Variants in ZNF124 observed in about 807,000 individuals in gnomAD.
ZNF124 encodes the protein zinc finger protein HZF-16.
Under a neutral mutation model 26.6 loss-of-function variants are expected in ZNF124, and 25 were observed. The ratio of observed to expected loss-of-function variants is 0.94; its 90% CI spans 0.68 to 1.31. The LOEUF (loss-of-function observed/expected upper bound fraction) is 1.31, where lower values mean the gene tolerates loss of function less well. ZNF124 is among the 40% of genes most tolerant of loss of function. ZNF124 has a pLI of 0.00. For missense variants in ZNF124, 444 were observed against 422.2 expected (o/e 1.05, Z -0.45); for synonymous variants, 129 against 133.3 (o/e 0.97, Z 0.22).
downstream of ZNF124, among the ~76,000 whole-genome samples, chr1:247,151,289 C>A (rs1672930673): frequency 6.6e-6 from 1 of 152,024 alleles, no homozygotes; most frequent in Non-Finnish European, 1.5e-5. Flanking sequence ...ACCATCCTGG[C>A]CAACATGGTG....
At chr1:247,140,209 CTG>C (rs1672590891) in intron 3 of ZNF124, among the ~76,000 whole-genome samples, 1 of 152,112 alleles carries the variant, frequency 6.6e-6, no homozygotes, top group Admixed American at 6.6e-5. Flanking sequence ...ATTTTTCTGA[CTG>C]TCTTATTTCA....
rs149926598 is a variant in ZNF124, at chr1:247,139,486, G to T, written c.219-15615C>A. ...GTGCGCCTTTTAAGCAGGGCATTTA[G>T]CCTGTTTACATTCAAGATTAGTATT... On this transcript the variant is annotated intron_variant, in intron 3 of 3. Coordinates refer to the ZNF124 transcript ENST00000472531. Among the ~76,000 whole-genome samples, 156 of 152,284 alleles carry T rather than the reference G, an allele frequency of 1.0e-3. 1 individual carries two copies. The East Asian group carries it at 0.027, about 27-fold the overall frequency.
intron 3 of ZNF124, among the ~76,000 whole-genome samples, chr1:247,125,683 C>CTCCCAAAGTTCTGG (rs371422658): frequency 6.6e-6 from 1 of 150,920 alleles, no homozygotes. Context: ...GCGCCGGCGC[C>CTCCCAAAGTTCTGG]GATTAAAGGC....
chr1:247,150,154 ATGATAC>A (rs1305407879), downstream of ZNF124, among the ~76,000 whole-genome samples: 3 of 152,238 alleles, frequency 2.0e-5, no homozygotes, highest in African/African-American at 7.2e-5. Context: ...GTCACGGCAG[ATGATAC>A]TGATTTTGTA....
intron 3 of ZNF124, among the ~76,000 whole-genome samples, chr1:247,158,019 G>A (rs973982301): frequency 6.6e-5 from 10 of 151,962 alleles, no homozygotes; most frequent in African/African-American, 2.4e-4. Context: ...GGAGGCCAAG[G>A]TGGGCAGATC....
intron 3 of ZNF124, among the ~76,000 whole-genome samples, chr1:247,139,287 T>C (rs1672566049): frequency 6.6e-6 from 1 of 152,234 alleles, no homozygotes; most frequent in Non-Finnish European, 1.5e-5. Context: ...TTGTTTTAAA[T>C]CTTTATTGGT....
Position 247,124,958 on chromosome 1 carries a change from C to T in ZNF124, c.219-1087G>A, listed in dbSNP as rs563063113. Among the ~76,000 whole-genome samples the T allele has an allele frequency of 4.6e-5, 7 of 152,142 alleles. No homozygotes were observed. In the South Asian group the frequency reaches 8.3e-4, roughly 18 times the overall value. On this transcript the variant is annotated intron_variant, in intron 3 of 3. Transcript: ENST00000472531. ...GACTACAGGCACACACCGCCATGCC[C>T]GGCTATTTTTTTATTTTTTTGCATT...
Position 247,137,302 on chromosome 1 carries a change from G to T in ZNF124, c.219-13431C>A, listed in dbSNP as rs1037640394. Among the ~76,000 whole-genome samples, 5 of 150,646 alleles carry T rather than the reference G, an allele frequency of 3.3e-5. No homozygotes were observed. In the Admixed American group the frequency reaches 3.3e-4, roughly 10 times the overall value. ...CCTTATACCAAAATTAACTCAAGATGGGTTGAAGATTTAAATGTAAAATCC... is the reference window on the plus strand; with the variant it reads ...CCTTATACCAAAATTAACTCAAGATTGGTTGAAGATTTAAATGTAAAATCC... On this transcript the variant is annotated intron_variant, in intron 3 of 3. Coordinates refer to the ZNF124 transcript ENST00000472531.
intron 3 of ZNF124, among the ~76,000 whole-genome samples, chr1:247,149,287 G>A (rs939983279): frequency 1.3e-5 from 2 of 152,288 alleles, no homozygotes; most frequent in African/African-American, 4.8e-5. Flanking sequence ...AAACCGTAAG[G>A]TGGCTCATCA....
intron 1 of ZNF124, among the ~76,000 whole-genome samples, chr1:247,161,630 AAATG>A (rs1283667732): frequency 6.6e-6 from 1 of 152,084 alleles, no homozygotes; most frequent in Non-Finnish European, 1.5e-5. Flanking sequence ...TGCACAGTAA[AAATG>A]AATGAAAACA....
rs753215546 is a variant in ZNF124 at position 247,156,902 on chromosome 1, G to A, written c.720C>T (p.Gly240=). 1 of 1,613,822 alleles carries A rather than the reference G, an allele frequency of 6.2e-7. No individual in the cohort carries two copies. Among genetic ancestry groups the A allele is most frequent in the South Asian group, 1.1e-5 (1 of 91,052 alleles). The change falls in exon 4 of 4, where the codon GGC becomes GGT. Residue 240 remains glycine (G), a synonymous_variant. Transcript: ENST00000543802. ...AGGAACTGAGACAACTGAAAGCTTT[G>A]CCACATTCCATGCACACATAAGGTT... ...GEKPYVCMEC[G]KAFSCLSSLQ...
In ZNF124 at chr1:247,156,630, C is replaced by G. The variant is rs1673148206; in HGVS notation, c.992G>C (p.Ser331Thr). Residue 331 changes from serine to threonine, a missense_variant, in exon 4 of 4, where the codon AGT (serine) becomes ACT (threonine). By Grantham distance (58) the Ser-to-Thr change is moderately conservative. Coordinates refer to ENST00000543802, the MANE Select transcript of ZNF124 (RefSeq NM_001297568.2). ...QKCGKAFSRASTLWKHKKTHT... is the reference protein window; with the variant it reads ...QKCGKAFSRATTLWKHKKTHT... ...AGTTTTTTTATGCTTCCAAAGGGTA[C>G]TAGCACGACTAAAGGCTTTGCCACA... 1.3e-6 allele frequency: 2 copies of G among 1,599,384 alleles called. No homozygotes were observed. The highest frequency in any genetic ancestry group is 3.6e-5 in the Admixed American group (2 of 55,782).
intron 3 of ZNF124, among the ~76,000 whole-genome samples, chr1:247,137,574 G>A (rs944493899): frequency 2.0e-5 from 3 of 149,192 alleles, no homozygotes; most frequent in South Asian, 2.1e-4. Flanking sequence ...CAAAAATGCC[G>A]ACAGCAATTG....
chr1:247,160,206 G>A (rs138770272), intron 1 of ZNF124, among the ~76,000 whole-genome samples: 36 of 152,044 alleles, frequency 2.4e-4, no homozygotes, highest in Non-Finnish European at 3.7e-4. Flanking sequence ...GGATGGCCTC[G>A]ATCTCTTGAC....
chr1:247,147,056 A>G (rs1225661956), intron 3 of ZNF124, among the ~76,000 whole-genome samples: 1 of 152,058 alleles, frequency 6.6e-6, no homozygotes, highest in African/African-American at 2.4e-5. Context: ...TCAGGCTATG[A>G]TGTCAGCAAG....
chr1:247,163,293 C>A (rs1673589984), intron 1 of ZNF124, among the ~76,000 whole-genome samples: 1 of 149,640 alleles, frequency 6.7e-6, no homozygotes, highest in Admixed American at 6.7e-5. Context: ...ACAAAAAAAC[C>A]AAAATCAGAG....
downstream of ZNF124, among the ~76,000 whole-genome samples, chr1:247,150,258 T>C (rs1382056882): frequency 1.3e-5 from 2 of 152,134 alleles, no homozygotes; most frequent in African/African-American, 4.8e-5. Context: ...AACATACAAA[T>C]AAATAAAATA....
intron 1 of ZNF124, 163 bp from the exon 2 acceptor site, chr1:247,159,976 GTT>G: frequency 4.1e-6 from 1 of 246,190 alleles, no homozygotes; most frequent in Non-Finnish European, 6.7e-6. Context: ...CCACATAGCA[GTT>G]CTTTTTTTTT....
At chr1:247,147,144 G>T (rs1672804074) in intron 3 of ZNF124, among the ~76,000 whole-genome samples, 1 of 150,502 alleles carries the variant, frequency 6.6e-6, no homozygotes, top group African/African-American at 2.5e-5. Flanking sequence ...GTAAGTGGAG[G>T]GAATTTCAGT....
Sources: gnomAD v4.1 joint callset for allele counts (sites outside exome capture counted in the v4.1 genomes callset) on GRCh38, gnomAD v4.1.1 for gene constraint, MANE v1.5 for transcripts, NCBI Gene and HGNC (gene_info 2026-07-23, HGNC 2026-07-21) for gene names.